The following UNC13C variants were observed in gnomAD, a reference collection of about 807,000 sequenced individuals.
UNC13C encodes protein unc-13 homolog C.
Under a neutral mutation model 245.4 loss-of-function variants are expected in UNC13C, and 174 were observed. That is an observed-to-expected ratio of 0.71 (90% confidence interval 0.63 to 0.80). The LOEUF (loss-of-function observed/expected upper bound fraction) is 0.80, where lower values mean the gene tolerates loss of function less well. Among genes scored for constraint, UNC13C ranks in the 30% least tolerant of loss-of-function variants. The probability of loss-of-function intolerance (pLI) is 0.00; values close to 1 mark genes in which losing one functional copy is unlikely to be tolerated. For missense variants in UNC13C, 2,829 were observed against 2,602.9 expected, an observed-to-expected ratio of 1.09 and a Z score of -1.89; for synonymous variants, 992 against 895.1, an observed-to-expected ratio of 1.11 and a Z score of -1.93.
chr15:54,065,719 G>A (rs186249621), intron 2 of UNC13C, among the ~76,000 whole-genome samples: 119 of 152,300 alleles, frequency 7.8e-4, no homozygotes, highest in Middle Eastern at 3.4e-3. Context: ...GGTCCAGTCC[G>A]TTCCATTGGC....
At chr15:54,582,088 G>C (rs1898227037) in intron 30 of UNC13C, among the ~76,000 whole-genome samples, 1 of 151,732 alleles carries the variant, frequency 6.6e-6, no homozygotes, top group Non-Finnish European at 1.5e-5. Context: ...AGGAAGGAGA[G>C]AGGGAGGGAA....
At chr15:54,337,714 G>T in intron 16 of UNC13C, among the ~76,000 whole-genome samples, 1 of 151,976 alleles carries the variant, frequency 6.6e-6, no homozygotes, top group East Asian at 1.9e-4. Flanking sequence ...CCCACTTTAA[G>T]GCAGCGTAAG....
At chr15:54,041,190 T>G (rs1595754476) in intron 2 of UNC13C, among the ~76,000 whole-genome samples, 1 of 152,306 alleles carries the variant, frequency 6.6e-6, no homozygotes, top group South Asian at 2.1e-4. Flanking sequence ...TATATAAAAC[T>G]TTGTATCCTG....
At chr15:54,247,552 A>G (rs1255284577) in intron 7 of UNC13C, among the ~76,000 whole-genome samples, 1 of 152,134 alleles carries the variant, frequency 6.6e-6, no homozygotes, top group Non-Finnish European at 1.5e-5. Context: ...TTCAGCTTTG[A>G]TAAATACATG....
At chr15:54,597,883 A>G (rs567080092) in intron 30 of UNC13C, among the ~76,000 whole-genome samples, 1 of 152,194 alleles carries the variant, frequency 6.6e-6, no homozygotes, top group African/African-American at 2.4e-5. Context: ...CACAGTAATG[A>G]CTTTTTCAAA....
intron 17 of UNC13C, among the ~76,000 whole-genome samples, chr15:54,371,191 C>T (rs1024090225): frequency 3.9e-5 from 6 of 152,126 alleles, no homozygotes; most frequent in African/African-American, 9.7e-5. Flanking sequence ...TACCCCTGCC[C>T]GACCATTCCA....
In UNC13C at chr15:54,480,522, A is replaced by G. The variant is rs927793571; in HGVS notation, c.4934-14086A>G. ...ACCTTCTCTATTGTTGAAGTTCTCA[A>G]TTATGTTTTTTCATTCATTAAATAT... On this transcript the variant is annotated intron_variant, in intron 19 of 32. Transcript: ENST00000260323. 4.7e-5 allele frequency among the ~76,000 whole-genome samples: 7 copies of G among 149,208 alleles called. No individual in the cohort carries two copies. In the East Asian group the frequency reaches 8.0e-4, roughly 17 times the overall value.
intron 19 of UNC13C, among the ~76,000 whole-genome samples, chr15:54,466,637 A>G (rs1892186879): frequency 6.6e-6 from 1 of 151,850 alleles, no homozygotes; most frequent in Non-Finnish European, 1.5e-5. Flanking sequence ...ATATGTGATT[A>G]TTCTCTTTTG....
chr15:54,060,185 A>G (rs1009915872), intron 2 of UNC13C, among the ~76,000 whole-genome samples: 1 of 152,238 alleles, frequency 6.6e-6, no homozygotes, highest in South Asian at 2.1e-4. Flanking sequence ...CAGGCAACCT[A>G]CAGAATGGGA....
rs138778354 is a variant in UNC13C at position 54,398,411 on chromosome 15, T to C, written c.4847+5230T>C. Among the ~76,000 whole-genome samples the C allele has an allele frequency of 6.3e-3, 954 of 151,472 alleles. 16 individuals carry two copies. The highest frequency in any genetic ancestry group is 0.022 in the African/African-American group (920 of 41,512). ...ATGAGGATATTGCTCTATGGTTTTA[T>C]TTTCTTATAGTGCCTTTTTCTGTCT... On this transcript the variant is annotated intron_variant, in intron 18 of 32. Coordinates refer to ENST00000260323, the MANE Select transcript of UNC13C (RefSeq NM_001080534.3).
chr15:54,053,571 T>A (rs1897365948), intron 2 of UNC13C, among the ~76,000 whole-genome samples: 1 of 152,180 alleles, frequency 6.6e-6, no homozygotes, highest in Non-Finnish European at 1.5e-5. Context: ...ATACGATGTG[T>A]AACAATTGCA....
chr15:54,250,194 G>A (rs149000556), intron 7 of UNC13C, 31 bp from the exon 8 acceptor site: 18,763 of 1,578,996 alleles, frequency 0.012, 204 homozygotes, highest in South Asian at 0.039. Context: ...CTGACTTGGC[G>A]GTGCATTGGT....
intron 1 of UNC13C, among the ~76,000 whole-genome samples, chr15:53,985,828 A>G (rs145500675): frequency 5.6e-4 from 85 of 152,094 alleles, no homozygotes; most frequent in East Asian, 4.1e-3. Flanking sequence ...TGGTTTTTGT[A>G]GTAACAATAT....
intron 1 of UNC13C, among the ~76,000 whole-genome samples, chr15:53,980,770 G>T (rs2616878): frequency 0.24 from 36,741 of 152,056 alleles, 5,353 homozygotes; most frequent in Non-Finnish European, 0.32. Flanking sequence ...GGTGAAATAC[G>T]AGGTAAAGTG....
At chr15:54,372,137 A>G (rs1051286836) in intron 17 of UNC13C, among the ~76,000 whole-genome samples, 4 of 152,296 alleles carry the variant, frequency 2.6e-5, no homozygotes, top group East Asian at 1.9e-4. Flanking sequence ...GAGGTAATGC[A>G]TATATTAAAA....
At chr15:53,948,385 G>C in the UNC13C span, 2 of 152,196 alleles carry the variant, frequency 1.3e-5, no homozygotes, top group African/African-American at 4.8e-5. Flanking sequence ...GGTAGGCCGA[G>C]GGGGGCGGAT....
At chr15:54,501,411 T>A in intron 22 of UNC13C, among the ~76,000 whole-genome samples, 1 of 152,172 alleles carries the variant, frequency 6.6e-6, no homozygotes. Context: ...TAATTGTAAT[T>A]GAATCTCAAT....
intron 20 of UNC13C, among the ~76,000 whole-genome samples, chr15:54,499,133 G>T (rs1894086662): frequency 6.6e-6 from 1 of 152,066 alleles, no homozygotes; most frequent in South Asian, 2.1e-4. Flanking sequence ...CTTCTGGGAA[G>T]TCCCCAGGAA....
intron 4 of UNC13C, among the ~76,000 whole-genome samples, chr15:54,221,729 A>G (rs1390084656): frequency 6.6e-6 from 1 of 152,030 alleles, no homozygotes; most frequent in African/African-American, 2.4e-5. Context: ...ATAAACAGAA[A>G]CACTGCATTT....
Sources: allele counts gnomAD v4.1 joint callset (sites outside exome capture counted in the v4.1 genomes callset), GRCh38; gene constraint gnomAD v4.1.1; transcripts MANE v1.5; gene names NCBI Gene and HGNC (gene_info 2026-07-23, HGNC 2026-07-21).